The following TRMT10B variants were observed in gnomAD, a reference collection of about 807,000 sequenced individuals.
TRMT10B encodes tRNA methyltransferase 10 homolog B.
TRMT10B carries 33 observed loss-of-function variants against 43.8 expected under a neutral mutation model. The ratio of observed to expected loss-of-function variants is 0.75; its 90% confidence interval spans 0.57 to 1.01. The LOEUF is 1.01. Ranked by LOEUF, TRMT10B falls within the 50% of genes least tolerant of loss-of-function variation. TRMT10B has a pLI of 0.00. For synonymous variants in TRMT10B, 137 were observed against 130.6 expected (o/e 1.05, Z -0.34); for missense variants, 362 against 369.8 (o/e 0.98, Z 0.17).
chr9:37,758,520 A>G (rs578103570), intron 1 of TRMT10B, among the ~76,000 whole-genome samples: 3 of 152,372 alleles, frequency 2.0e-5, no homozygotes, highest in Non-Finnish European at 2.9e-5. Context: ...TACCTTGACC[A>G]TATAAAATTA....
chr9:37,761,106 AAG>A (rs1164797135), intron 1 of TRMT10B, among the ~76,000 whole-genome samples: 5 of 152,194 alleles, frequency 3.3e-5, no homozygotes, highest in African/African-American at 1.2e-4. Context: ...AACAACCTAA[AAG>A]AATTCTTGGT....
chr9:37,753,267 C>T (rs1825151153), upstream of TRMT10B, among the ~76,000 whole-genome samples: 1 of 152,218 alleles, frequency 6.6e-6, no homozygotes, highest in Middle Eastern at 3.2e-3. Context: ...CAAGAATCCA[C>T]CATTTCCGGA....
chr9:37,762,428 T>C, intron 2 of TRMT10B, 149 bp from the exon 3 acceptor site: 1 of 1,180,112 alleles, frequency 8.5e-7, no homozygotes, highest in Non-Finnish European at 1.2e-6. Flanking sequence ...CTAAACACGA[T>C]CCAGTCTAGG....
chr9:37,769,524 G>C (rs1827332476), intron 5 of TRMT10B: 1 of 171,572 alleles, frequency 5.8e-6, no homozygotes, highest in South Asian at 1.4e-4. Flanking sequence ...CTGAGAAGCT[G>C]TCAAGCTGTC....
rs990387517 is a variant in TRMT10B at position 37,777,727 on chromosome 9, G to A, written c.*20G>A. On this transcript the variant is annotated 3_prime_UTR_variant, in exon 9 of 9. Coordinates refer to ENST00000297994, the MANE Select transcript of TRMT10B (RefSeq NM_144964.4). ...GAATGATGGGCCTAAGATTGCAGCT[G>A]CGTGGCCAGGTGCTCACGCCGTAAT... The A allele has an allele frequency of 1.3e-6, 2 of 1,598,680 alleles. No homozygotes were observed. The highest frequency in any genetic ancestry group is 1.7e-5 in the Admixed American group (1 of 59,958).
chr9:37,755,367 C>G (rs1825537255), intron 1 of TRMT10B, among the ~76,000 whole-genome samples: 1 of 150,224 alleles, frequency 6.7e-6, no homozygotes, highest in South Asian at 2.1e-4. Flanking sequence ...TGTGGATGCC[C>G]TTAGGTGTGT....
At position 37,778,565 on chromosome 9, in the gene TRMT10B, G is replaced by A. The variant is rs951076923; in HGVS notation, c.*858G>A. ...GCCTCAAAACCACATGGCTTTGGAC[G>A]TGCTAATTCAACTTTTGTACATCTA... On this transcript the variant is annotated 3_prime_UTR_variant, in exon 9 of 9. Coordinates refer to ENST00000297994, the MANE Select transcript of TRMT10B (RefSeq NM_144964.4). 6.6e-6 allele frequency: 1 copy of A among 151,986 alleles called. No homozygotes were observed. The highest frequency in any genetic ancestry group is 2.1e-4 in the South Asian group (1 of 4,824). 9.4% of individuals were successfully genotyped at this position (151,986 alleles called of 1,614,324 possible).
chr9:37,763,151 A>AAAC lies in TRMT10B; in HGVS notation c.295+468_295+469insCAA, dbSNP rs1554676641. Among the ~76,000 whole-genome samples, 320 of 141,888 alleles carry AAAC rather than the reference A, an allele frequency of 2.3e-3. 5 individuals carry two copies. Among genetic ancestry groups the AAAC allele is most frequent in the African/African-American group, 8.2e-3 (303 of 36,880 alleles). 93.1% of individuals were successfully genotyped at this position (141,888 alleles called of 152,430 possible). ...AGAGTGAGACTCTGTCTCAAAAAAA[A>AAAC]AAAAAAAAAAAAAACAAAAAAAAAA... On this transcript the variant is annotated intron_variant, in intron 3 of 8. Transcript: ENST00000297994.
At chr9:37,770,166 G>C in intron 6 of TRMT10B, 147 bp downstream of exon 6, 4 of 748,350 alleles carry the variant, frequency 5.3e-6, no homozygotes, top group Non-Finnish European at 9.4e-6. Flanking sequence ...TCCTCTTACA[G>C]GCAGGGGCCT....
At chr9:37,760,100 C>T (rs1296136860) in intron 1 of TRMT10B, among the ~76,000 whole-genome samples, 2 of 152,196 alleles carry the variant, frequency 1.3e-5, no homozygotes, top group South Asian at 2.1e-4. Context: ...CCGAGGTGGG[C>T]GGATCACCTG....
In TRMT10B at chr9:37,776,376, ATCAT is replaced by A; in HGVS notation, c.819_822del (p.His273GlnfsTer17). Reference sequence around the variant, plus strand: ...GTCAGAAACCAGAATGGGAAAAACTATCATTCAGAGATACTGGCCATCAATCAAG... The same window carrying A: ...GTCAGAAACCAGAATGGGAAAAACTATCAGAGATACTGGCCATCAATCAAG... On this transcript the variant is annotated frameshift_variant, in exon 8 of 9. Coordinates refer to ENST00000297994, the MANE Select transcript of TRMT10B (RefSeq NM_144964.4). LOFTEE classifies it high-confidence loss of function. The A allele has an allele frequency of 6.2e-7, 1 of 1,612,182 alleles. No homozygotes were observed. The highest frequency in any genetic ancestry group is 8.5e-7 in the Non-Finnish European group (1 of 1,179,172).
intron 7 of TRMT10B, among the ~76,000 whole-genome samples, chr9:37,771,342 T>G (rs1331447853): frequency 6.6e-6 from 1 of 152,344 alleles, no homozygotes; most frequent in East Asian, 1.9e-4. Flanking sequence ...TGTCTCCCAA[T>G]TCCCCTCCCC....
At chr9:37,762,977 C>CAAAAAAAAAAA (rs57643861) in intron 3 of TRMT10B, among the ~76,000 whole-genome samples, 1 of 85,164 alleles carries the variant, frequency 1.2e-5, no homozygotes. Context: ...ACTAAAAATA[C>CAAAAAAAAAAA]AAAAAAAAAA....
upstream of TRMT10B, among the ~76,000 whole-genome samples, chr9:37,753,012 G>A (rs7861025): frequency 0.036 from 5,545 of 151,964 alleles, 174 homozygotes; most frequent in African/African-American, 0.087. Flanking sequence ...TATAACACTC[G>A]CCGTGAAGAT....
Position 37,761,965 on chromosome 9 carries a change from G to A in TRMT10B, c.34G>A (p.Val12Ile). ...DWKLEGSTQK[V>I]ESPVLQGQEG... ...GAAATTGGAAGGGAGTACTCAGAAA[G>A]TAGAGTCACCTGTGCTGCAGGGGCA... The change falls in exon 2 of 9, where the codon GTA (valine) becomes ATA (isoleucine). Residue 12 changes from valine (V) to isoleucine (I), a missense_variant. By Grantham distance (29) the Val-to-Ile change is conservative. Transcript: ENST00000297994. 6.2e-7 allele frequency: 1 copy of A among 1,613,872 alleles called. No homozygotes were observed. The highest frequency in any genetic ancestry group is 8.5e-7 in the Non-Finnish European group (1 of 1,179,852).
At chr9:37,759,885 C>T (rs1279098384) in intron 1 of TRMT10B, among the ~76,000 whole-genome samples, 3 of 152,160 alleles carry the variant, frequency 2.0e-5, no homozygotes, top group African/African-American at 7.2e-5. Flanking sequence ...AACACAGAAC[C>T]TATACATTTG....
chr9:37,760,435 G>C (rs769668828), intron 1 of TRMT10B, among the ~76,000 whole-genome samples: 1 of 152,246 alleles, frequency 6.6e-6, no homozygotes, highest in Non-Finnish European at 1.5e-5. Context: ...TGAGGCGGGA[G>C]GATTGCTTGA....
chr9:37,764,900 C>A (rs1196608847), intron 4 of TRMT10B, among the ~76,000 whole-genome samples: 3 of 152,028 alleles, frequency 2.0e-5, no homozygotes, highest in Non-Finnish European at 2.9e-5. Flanking sequence ...GTATACCATA[C>A]AGGGCCACGT....
Position 37,769,942 on chromosome 9 carries a change from T to C in TRMT10B, c.575T>C (p.Leu192Ser), listed in dbSNP as rs1827382639. 5 of 1,613,826 alleles carry C rather than the reference T, an allele frequency of 3.1e-6. No individual in the cohort carries two copies. The African/African-American group carries it at 5.3e-5, about 17-fold the overall frequency. Residue 192 changes from leucine to serine, a missense_variant and splice_region_variant, in exon 6 of 9, where the codon TTA becomes TCA. Leu to Ser is a moderately radical substitution (Grantham distance 145). Transcript: ENST00000297994. Reference sequence around the variant, plus strand: ...CATCAGACTGTTTGCATTTTCCAGTTAGACATAACAGAAGAAGACTGCTTT... The same window carrying C: ...CATCAGACTGTTTGCATTTTCCAGTCAGACATAACAGAAGAAGACTGCTTT... ...RMNDGFSSYL[L>S]DITEEDCFSL...
Sources: gnomAD v4.1 joint callset for allele counts (sites outside exome capture counted in the v4.1 genomes callset) on GRCh38, gnomAD v4.1.1 for gene constraint, MANE v1.5 for transcripts, NCBI Gene and HGNC (gene_info 2026-07-23, HGNC 2026-07-21) for gene names.